The following TFEC variants were observed in gnomAD, a reference collection of about 807,000 sequenced individuals.
TFEC encodes class E basic helix-loop-helix protein 34.
A neutral mutation model predicts 41.6 loss-of-function variants in TFEC; 31 were observed. The ratio of observed to expected loss-of-function variants is 0.74; its 90% CI spans 0.56 to 1.01. The LOEUF is 1.01. Ranked by LOEUF, TFEC falls within the 50% of genes least tolerant of loss-of-function variation. The pLI is 0.00. For synonymous variants in TFEC, 143 were observed against 140.6 expected (o/e 1.02, Z -0.12); for missense variants, 402 against 404.1 (o/e 0.99, Z 0.04).
intron 1 of TFEC, among the ~76,000 whole-genome samples, chr7:116,127,096 G>C (rs1798226908): frequency 6.7e-6 from 1 of 149,054 alleles, no homozygotes; most frequent in South Asian, 2.1e-4. Flanking sequence ...TTTTGTTTTT[G>C]TTTTTTGTTT....
intron 1 of TFEC, among the ~76,000 whole-genome samples, chr7:116,006,244 C>A (rs1287228848): frequency 6.6e-6 from 1 of 152,126 alleles, no homozygotes; most frequent in Non-Finnish European, 1.5e-5. Context: ...AATGGTAGAT[C>A]CACCAACAGC....
chr7:116,001,010 C>A (rs574487544), intron 1 of TFEC, among the ~76,000 whole-genome samples: 1 of 151,300 alleles, frequency 6.6e-6, no homozygotes, highest in East Asian at 1.9e-4. Context: ...CCAAAGCTAT[C>A]CAGAGCAAAA....
At chr7:116,144,517 T>C (rs1386471486) in intron 1 of TFEC, among the ~76,000 whole-genome samples, 1 of 152,082 alleles carries the variant, frequency 6.6e-6, no homozygotes, top group African/African-American at 2.4e-5. Context: ...TACACTGACA[T>C]TTATTATTTT....
chr7:116,080,916 T>C (rs1187844605), intron 3 of TFEC, among the ~76,000 whole-genome samples: 1 of 151,510 alleles, frequency 6.6e-6, no homozygotes, highest in South Asian at 2.1e-4. Context: ...CAATTTGCAA[T>C]TGCAAAAATA....
chr7:115,951,378 A>T (rs1174313425), intron 5 of TFEC, among the ~76,000 whole-genome samples: 8 of 152,130 alleles, frequency 5.3e-5, no homozygotes, highest in Admixed American at 5.2e-4. Context: ...TGTTTAGCAC[A>T]TAGTAGGTCT....
chr7:116,158,222 A>G (rs1305520765), intron 1 of TFEC, among the ~76,000 whole-genome samples: 5 of 152,110 alleles, frequency 3.3e-5, no homozygotes. Flanking sequence ...TTTTTTCAGT[A>G]TAATGCTATG....
At chr7:115,999,633 A>C (rs1197728729) in intron 1 of TFEC, among the ~76,000 whole-genome samples, 1 of 151,994 alleles carries the variant, frequency 6.6e-6, no homozygotes, top group African/African-American at 2.4e-5. Context: ...ATGAGAGATG[A>C]AAAAGGAGAC....
intron 3 of TFEC, among the ~76,000 whole-genome samples, chr7:116,078,203 G>T (rs901942850): frequency 4.0e-5 from 6 of 151,738 alleles, no homozygotes; most frequent in African/African-American, 1.5e-4. Context: ...AAAGAGGAAA[G>T]GTCATAGCAT....
intron 1 of TFEC, among the ~76,000 whole-genome samples, chr7:116,117,214 G>C (rs573210968): frequency 6.6e-6 from 1 of 151,866 alleles, no homozygotes; most frequent in Admixed American, 6.6e-5. Flanking sequence ...AGATTGCTTT[G>C]TTGGAGAATT....
chr7:115,995,586 GAAC>G (rs879715204), intron 1 of TFEC, among the ~76,000 whole-genome samples: 4 of 152,146 alleles, frequency 2.6e-5, no homozygotes, highest in Non-Finnish European at 5.9e-5. Context: ...ACAACAAATT[GAAC>G]AACTAGCCAC....
rs1793745110 is a variant in TFEC at position 115,984,139 on chromosome 7, A to C, written c.180+123T>G. 4.9e-6 allele frequency: 6 copies of C among 1,216,744 alleles called. No homozygotes were observed. In the South Asian group the frequency reaches 9.7e-5, roughly 20 times the overall value. 75.4% of individuals were successfully genotyped at this position (1,216,744 alleles called of 1,614,324 possible). A position where few individuals can be genotyped will look rare whatever the true frequency, so the allele number is the denominator to read the frequency against. ...AATAAATAGAGAATAATTAATTAAA[A>C]GCACATTTCTTTTGTTACATTTGCA... is the stretch of plus-strand genomic sequence containing the variant. On this transcript the variant is annotated intron_variant, in intron 2 of 7. Transcript: ENST00000265440.
chr7:116,047,102 A>G (rs2130939905), intron 3 of TFEC, among the ~76,000 whole-genome samples: 2 of 152,352 alleles, frequency 1.3e-5, no homozygotes, highest in East Asian at 3.9e-4. Flanking sequence ...AGTGTGAGCG[A>G]CGCAGAAGGC....
intron 1 of TFEC, among the ~76,000 whole-genome samples, chr7:116,142,374 A>AT (rs1226667000): frequency 1.3e-5 from 2 of 152,186 alleles, no homozygotes; most frequent in Non-Finnish European, 2.9e-5. Context: ...TAGTGGACAC[A>AT]TTTTAGGGAA....
chr7:116,009,625 C>A (rs1329260445), intron 1 of TFEC, among the ~76,000 whole-genome samples: 1 of 151,646 alleles, frequency 6.6e-6, no homozygotes, highest in Non-Finnish European at 1.5e-5. Context: ...TGTGGCAAAC[C>A]CTTGAAGGTA....
At chr7:116,078,161 C>A (rs1198649842) in intron 3 of TFEC, among the ~76,000 whole-genome samples, 2 of 151,888 alleles carry the variant, frequency 1.3e-5, no homozygotes, top group African/African-American at 4.8e-5. Flanking sequence ...AATTAAATAA[C>A]CTGCTCCTGA....
chr7:115,965,938 T>C (rs975014808), intron 3 of TFEC, among the ~76,000 whole-genome samples: 2 of 151,440 alleles, frequency 1.3e-5, no homozygotes, highest in African/African-American at 4.8e-5. Flanking sequence ...AGTTTGAAAA[T>C]TCTTCCCTAT....
At chr7:116,095,316 G>GC (rs1797425654) in intron 3 of TFEC, among the ~76,000 whole-genome samples, 1 of 151,894 alleles carries the variant, frequency 6.6e-6, no homozygotes, top group South Asian at 2.1e-4. Context: ...TATACTAATT[G>GC]CAAAAACAAA....
intron 1 of TFEC, among the ~76,000 whole-genome samples, chr7:116,139,893 G>A (rs1048151605): frequency 6.6e-6 from 1 of 152,164 alleles, no homozygotes; most frequent in Non-Finnish European, 1.5e-5. Context: ...ACCTTGACCA[G>A]GCACTCAGGG....
intron 1 of TFEC, among the ~76,000 whole-genome samples, chr7:116,144,468 G>A (rs1181050014): frequency 6.6e-6 from 1 of 152,062 alleles, no homozygotes; most frequent in African/African-American, 2.4e-5. Flanking sequence ...GGTCAAACAC[G>A]GTCTAGATTT....
Sources: gnomAD v4.1 joint callset for allele counts (sites outside exome capture counted in the v4.1 genomes callset) on GRCh38, gnomAD v4.1.1 for gene constraint, MANE v1.5 for transcripts, NCBI Gene and HGNC (gene_info 2026-07-23, HGNC 2026-07-21) for gene names.